The following SLC35D1 variants were observed in gnomAD, a reference collection of about 807,000 sequenced individuals.
SLC35D1 encodes solute carrier family 35 member D1.
Under a neutral mutation model 46.7 loss-of-function variants are expected in SLC35D1, and 31 were observed. The ratio of observed to expected loss-of-function variants is 0.66; its 90% confidence interval spans 0.50 to 0.90. The LOEUF (loss-of-function observed/expected upper bound fraction) is 0.90. Ranked by LOEUF, SLC35D1 falls within the 40% of genes least tolerant of loss-of-function variation. SLC35D1 has a pLI of 0.00. For synonymous variants in SLC35D1, 195 were observed against 164.6 expected, an observed-to-expected ratio of 1.18 and a Z score of -1.41; for missense variants, 397 against 426.2, an observed-to-expected ratio of 0.93 and a Z score of 0.60.
intron 8 of SLC35D1, among the ~76,000 whole-genome samples, chr1:67,035,150 G>A (rs7534327): frequency 0.075 from 11,346 of 151,998 alleles, 1,378 homozygotes; most frequent in African/African-American, 0.26. Context: ...GTGTGTGCGC[G>A]CGTGTGTGTG....
At chr1:67,043,340 C>A (rs1215480815) in intron 7 of SLC35D1, among the ~76,000 whole-genome samples, 1 of 151,902 alleles carries the variant, frequency 6.6e-6, no homozygotes, top group African/African-American at 2.4e-5. Context: ...CCCCTGTACT[C>A]CAACCTGGGT....
At chr1:67,053,552 C>T (rs1452261709) in intron 1 of SLC35D1, among the ~76,000 whole-genome samples, 11 of 152,076 alleles carry the variant, frequency 7.2e-5, no homozygotes, top group Non-Finnish European at 1.5e-4. Flanking sequence ...CGGGGCGGTG[C>T]GCCCAGGGCA....
chr1:66,983,065 G>T, the SLC35D1 span, among the ~76,000 whole-genome samples: 1 of 152,160 alleles, frequency 6.6e-6, no homozygotes, highest in Non-Finnish European at 1.5e-5. Context: ...ATGAGAACAT[G>T]CTGTTAGGCT....
intron 8 of SLC35D1, among the ~76,000 whole-genome samples, chr1:67,023,455 T>C (rs1667852164): frequency 6.6e-6 from 1 of 151,858 alleles, no homozygotes; most frequent in African/African-American, 2.4e-5. Flanking sequence ...GCATTTCTTC[T>C]TTGGTGAAGT....
At chr1:67,036,616 T>G (rs780961200) in intron 8 of SLC35D1, among the ~76,000 whole-genome samples, 5 of 152,082 alleles carry the variant, frequency 3.3e-5, no homozygotes, top group African/African-American at 4.8e-5. Flanking sequence ...TTGGTCTCCA[T>G]TGGCATGTAA....
In SLC35D1 at chr1:67,054,052, C is replaced by A. The variant is rs1193079052; in HGVS notation, c.-39G>T. ...GCGGTGGCCTGGCGGCGGGGCCTAG[C>A]GGCTCGGGGGCCTGCAGCGGCAGCT... On this transcript the variant is annotated 5_prime_UTR_variant, in exon 1 of 12. Coordinates refer to ENST00000235345, the MANE Select transcript of SLC35D1 (RefSeq NM_015139.3). 1 of 1,599,000 alleles carries A rather than the reference C, an allele frequency of 6.3e-7. No individual in the cohort carries two copies. The highest frequency in any genetic ancestry group is 8.5e-7 in the Non-Finnish European group (1 of 1,171,272).
chr1:67,035,930 A>T (rs1286781641), intron 8 of SLC35D1, among the ~76,000 whole-genome samples: 1 of 150,634 alleles, frequency 6.6e-6, no homozygotes, highest in Non-Finnish European at 1.5e-5. Context: ...TTTAATTTCC[A>T]TCTTAATTTC....
At chr1:67,044,680 T>A (rs1645232287) in intron 7 of SLC35D1, among the ~76,000 whole-genome samples, 1 of 152,226 alleles carries the variant, frequency 6.6e-6, no homozygotes, top group African/African-American at 2.4e-5. Flanking sequence ...TAAACATGCA[T>A]TATTTTATGT....
intron 8 of SLC35D1, among the ~76,000 whole-genome samples, chr1:67,034,258 T>C (rs149706607): frequency 2.4e-3 from 359 of 152,326 alleles, no homozygotes; most frequent in African/African-American, 8.1e-3. Context: ...AGGGGTTGAA[T>C]TAAATCTGTA....
intron 10 of SLC35D1, among the ~76,000 whole-genome samples, chr1:67,018,389 G>C (rs1667728335): frequency 6.6e-6 from 1 of 152,122 alleles, no homozygotes; most frequent in African/African-American, 2.4e-5. Context: ...AACCCATGCT[G>C]CTCAAAATCA....
chr1:66,980,294 T>C, the SLC35D1 span, among the ~76,000 whole-genome samples: 11,565 of 152,206 alleles, frequency 0.076, 550 homozygotes, highest in African/African-American at 0.13. Context: ...TCTATATAGA[T>C]TTATAGGTAT....
At chr1:67,028,103 A>T (rs1667949807) in intron 8 of SLC35D1, among the ~76,000 whole-genome samples, 2 of 151,590 alleles carry the variant, frequency 1.3e-5, no homozygotes, top group East Asian at 3.9e-4. Context: ...TTTGTCTATG[A>T]ATTATTTAGA....
chr1:67,034,393 T>C (rs909415744), intron 8 of SLC35D1, among the ~76,000 whole-genome samples: 4 of 152,214 alleles, frequency 2.6e-5, no homozygotes, highest in Non-Finnish European at 4.4e-5. Flanking sequence ...GCTTTCACTG[T>C]AAAGACTTTT....
the SLC35D1 span, among the ~76,000 whole-genome samples, chr1:66,991,514 AGG>A: frequency 6.6e-6 from 1 of 152,186 alleles, no homozygotes; most frequent in African/African-American, 2.4e-5. Context: ...TGACAAACTT[AGG>A]AAGTGTTTCT....
chr1:67,047,502 G>A (rs1645264686), intron 6 of SLC35D1, 135 bp from the exon 7 acceptor site: 2 of 780,234 alleles, frequency 2.6e-6, no homozygotes, highest in Non-Finnish European at 4.2e-6. Flanking sequence ...TCAGCTACTA[G>A]TATTTCTTGA....
the SLC35D1 span, among the ~76,000 whole-genome samples, chr1:66,980,265 C>T: frequency 1.3e-5 from 2 of 152,152 alleles, no homozygotes; most frequent in African/African-American, 4.8e-5. Flanking sequence ...AAGAAGTCTT[C>T]AAGACCATCT....
intron 10 of SLC35D1, among the ~76,000 whole-genome samples, chr1:67,012,588 T>G (rs535538897): frequency 6.8e-6 from 1 of 146,876 alleles, no homozygotes; most frequent in Non-Finnish European, 1.5e-5. Flanking sequence ...TTTCTTATTC[T>G]AAACAATTGA....
In SLC35D1 at chr1:67,008,743, G is replaced by A. The variant is rs867662843; in HGVS notation, c.959+342C>T. Among the ~76,000 whole-genome samples, 22 of 152,188 alleles carry A rather than the reference G, an allele frequency of 1.4e-4. No individual in the cohort carries two copies. The Middle Eastern group carries it at 0.01, about 71-fold the overall frequency. On this transcript the variant is annotated intron_variant, in intron 11 of 11. Coordinates refer to ENST00000235345, the MANE Select transcript of SLC35D1 (RefSeq NM_015139.3). Reference sequence around the variant, plus strand: ...GCAACCCTGTGGCCAGGGAACAACAGTCCTAATGTCCACCACCACGCCCAG... The same window carrying A: ...GCAACCCTGTGGCCAGGGAACAACAATCCTAATGTCCACCACCACGCCCAG...
At chr1:67,050,347 A>G (rs1036671668) in intron 5 of SLC35D1, 86 bp downstream of exon 5, 2 of 1,039,400 alleles carry the variant, frequency 1.9e-6, no homozygotes, top group Non-Finnish European at 3.0e-6. Flanking sequence ...TAAGGTAGGA[A>G]CAAGACAAAT....
Sources: allele counts gnomAD v4.1 joint callset (sites outside exome capture counted in the v4.1 genomes callset), GRCh38; gene constraint gnomAD v4.1.1; transcripts MANE v1.5; gene names NCBI Gene and HGNC (gene_info 2026-07-23, HGNC 2026-07-21).